Variants in CSGALNACT1 observed in about 807,000 individuals in gnomAD.
CSGALNACT1 encodes the protein beta4GalNAcT-1.
Under a neutral mutation model 51.0 loss-of-function variants are expected in CSGALNACT1, and 52 were observed. The ratio of observed to expected loss-of-function variants is 1.02; its 90% confidence interval spans 0.82 to 1.29. The LOEUF (loss-of-function observed/expected upper bound fraction) is 1.29, where lower values mean the gene tolerates loss of function less well. CSGALNACT1 is among the 50% of genes most tolerant of loss of function. The pLI is 0.00. For synonymous variants in CSGALNACT1, 341 were observed against 254.4 expected (o/e 1.34, Z -3.24); for missense variants, 935 against 679.2 (o/e 1.38, Z -4.19).
chr8:19,599,466 G>GAA lies in CSGALNACT1; in HGVS notation c.-416+2303_-416+2304dup, dbSNP rs1343631571. ...GAAAAAGAAAAAGAAAAGAAAGAAA[G>GAA]AAAGAAAAAGAAAGAAAGAAAGAAA... On this transcript the variant is annotated intron_variant, in intron 2 of 9. Transcript: ENST00000454498. 2.6e-3 allele frequency among the ~76,000 whole-genome samples: 171 copies of GAA among 66,530 alleles called. 1 individual carries two copies. The highest frequency in any genetic ancestry group is 9.9e-3 in the African/African-American group (154 of 15,580). The allele number at this position is 66,530 out of a possible 152,430, so 43.6% of individuals were successfully genotyped here.
At chr8:19,464,233 C>T (rs2066174889) in intron 4 of CSGALNACT1, among the ~76,000 whole-genome samples, 1 of 152,170 alleles carries the variant, frequency 6.6e-6, no homozygotes. Flanking sequence ...GGTCTCCCAG[C>T]TGGATAACAA....
At chr8:19,512,630 A>G (rs2078677813) in intron 3 of CSGALNACT1, among the ~76,000 whole-genome samples, 1 of 152,156 alleles carries the variant, frequency 6.6e-6, no homozygotes, top group Non-Finnish European at 1.5e-5. Flanking sequence ...CATTACTATA[A>G]TCAGTTCTCC....
chr8:19,466,503 T>C (rs2066714888), intron 4 of CSGALNACT1, among the ~76,000 whole-genome samples: 1 of 152,232 alleles, frequency 6.6e-6, no homozygotes, highest in South Asian at 2.1e-4. Flanking sequence ...TACTCTAAAA[T>C]AGTATTTTTT....
At chr8:19,479,713 C>G (rs1185306136) in intron 4 of CSGALNACT1, among the ~76,000 whole-genome samples, 2 of 149,152 alleles carry the variant, frequency 1.3e-5, no homozygotes, top group African/African-American at 5.0e-5. Context: ...CCTTCAGAAG[C>G]TGTGTGATTT....
At chr8:19,473,084 G>A (rs769514826) in intron 4 of CSGALNACT1, among the ~76,000 whole-genome samples, 1 of 152,040 alleles carries the variant, frequency 6.6e-6, no homozygotes, top group Non-Finnish European at 1.5e-5. Context: ...TGCTCTACCG[G>A]CATTAAATAT....
chr8:19,624,866 A>G (rs1276361360), intron 1 of CSGALNACT1, among the ~76,000 whole-genome samples: 1 of 152,104 alleles, frequency 6.6e-6, no homozygotes, highest in African/African-American at 2.4e-5. Context: ...TTTAGTAGAA[A>G]TGGGGTTTCA....
At chr8:19,612,862 G>A (rs1268422865) in intron 1 of CSGALNACT1, among the ~76,000 whole-genome samples, 1 of 140,676 alleles carries the variant, frequency 7.1e-6, no homozygotes, top group Non-Finnish European at 1.5e-5. Flanking sequence ...AAGCGAGAGA[G>A]CAACTAAATA....
At chr8:19,437,177 G>A (rs2060510943) in intron 6 of CSGALNACT1, among the ~76,000 whole-genome samples, 1 of 152,124 alleles carries the variant, frequency 6.6e-6, no homozygotes, top group African/African-American at 2.4e-5. Context: ...GGAATTCAGA[G>A]AAAAGGACTG....
intron 3 of CSGALNACT1, among the ~76,000 whole-genome samples, chr8:19,527,904 G>A (rs565727026): frequency 5.9e-5 from 9 of 152,268 alleles, no homozygotes; most frequent in Admixed American, 3.9e-4. Flanking sequence ...TAGATTCAGG[G>A]CCACTGGCAT....
At position 19,534,789 on chromosome 8, in the gene CSGALNACT1, G is replaced by A. The variant is rs149514358; in HGVS notation, c.-296-28659C>T. Among the ~76,000 whole-genome samples the A allele has an allele frequency of 2.6e-3, 391 of 152,264 alleles. 1 individual carries two copies. Among genetic ancestry groups the A allele is most frequent in the East Asian group, 0.02 (105 of 5,172 alleles). On this transcript the variant is annotated intron_variant, in intron 3 of 9. Coordinates refer to ENST00000454498, the Ensembl canonical transcript of CSGALNACT1. ...AATGCCTAGAAGAAATAAAATAATCGTCATAAGCAGTTTGTTAGAACTAAT... is the reference window on the plus strand; with the variant it reads ...AATGCCTAGAAGAAATAAAATAATCATCATAAGCAGTTTGTTAGAACTAAT...
intron 6 of CSGALNACT1, among the ~76,000 whole-genome samples, chr8:19,439,629 A>T: frequency 6.6e-6 from 1 of 152,246 alleles, no homozygotes; most frequent in African/African-American, 2.4e-5. Flanking sequence ...TCACCCATGC[A>T]CATTGAAAAC....
At chr8:19,419,782 G>A (rs2057597959) in intron 7 of CSGALNACT1, among the ~76,000 whole-genome samples, 2 of 152,166 alleles carry the variant, frequency 1.3e-5, no homozygotes, top group South Asian at 4.1e-4. Context: ...CCAGAATTAT[G>A]GTGGCTGACA....
chr8:19,706,640 A>G (rs1389187928), intron 1 of CSGALNACT1, among the ~76,000 whole-genome samples: 1 of 152,128 alleles, frequency 6.6e-6, no homozygotes, highest in African/African-American at 2.4e-5. Context: ...GCAGTGGGAT[A>G]CCTACCAGAG....
At chr8:19,609,069 C>T (rs1339695818) in intron 1 of CSGALNACT1, among the ~76,000 whole-genome samples, 1 of 151,830 alleles carries the variant, frequency 6.6e-6, no homozygotes, top group Non-Finnish European at 1.5e-5. Flanking sequence ...CCAGAAAAGA[C>T]TAACGTTAAC....
intron 1 of CSGALNACT1, among the ~76,000 whole-genome samples, chr8:19,651,039 G>C (rs2057758649): frequency 6.6e-6 from 1 of 152,186 alleles, no homozygotes; most frequent in Non-Finnish European, 1.5e-5. Flanking sequence ...GTCTTCAGAA[G>C]TGAACATTTC....
intron 1 of CSGALNACT1, among the ~76,000 whole-genome samples, chr8:19,627,959 G>A (rs1293412528): frequency 1.3e-5 from 2 of 152,168 alleles, no homozygotes; most frequent in African/African-American, 2.4e-5. Flanking sequence ...GTTATCACTG[G>A]AGAAAGCTGG....
chr8:19,472,867 ACTT>A (rs1424971340), intron 4 of CSGALNACT1, among the ~76,000 whole-genome samples: 1 of 152,254 alleles, frequency 6.6e-6, no homozygotes, highest in African/African-American at 2.4e-5. Flanking sequence ...ATGGAATAAT[ACTT>A]CTTCATAGGG....
chr8:19,629,585 T>C (rs1428794787), intron 1 of CSGALNACT1, among the ~76,000 whole-genome samples: 6 of 152,268 alleles, frequency 3.9e-5, no homozygotes, highest in African/African-American at 9.6e-5. Context: ...TTATGTTATA[T>C]ACATTGTTAA....
chr8:19,674,919 A>C (rs927094235), intron 1 of CSGALNACT1, among the ~76,000 whole-genome samples: 7 of 152,218 alleles, frequency 4.6e-5, no homozygotes, highest in African/African-American at 1.4e-4. Flanking sequence ...TTCTGGCCTG[A>C]ACAATGAAAG....
Sources: allele counts gnomAD v4.1 joint callset (sites outside exome capture counted in the v4.1 genomes callset), GRCh38; gene constraint gnomAD v4.1.1; transcripts MANE v1.5; gene names NCBI Gene and HGNC (gene_info 2026-07-23, HGNC 2026-07-21).